Variants in CDH4 observed in about 807,000 individuals in gnomAD.
CDH4 encodes the protein cadherin 4, also known as cadherin-4.
A neutral mutation model predicts 86.0 loss-of-function variants in CDH4; 33 were observed. The observed-to-expected ratio is 0.38, with a 90% CI of 0.29 to 0.51. The LOEUF is 0.51. Ranked by LOEUF, CDH4 falls within the 20% of genes least tolerant of loss-of-function variation. The probability of loss-of-function intolerance (pLI) is 0.86; values close to 1 mark genes in which losing one functional copy is unlikely to be tolerated. For missense variants in CDH4, 1,114 were observed against 1,307.4 expected (o/e 0.85, Z 2.28); for synonymous variants, 555 against 549.4 (o/e 1.01, Z -0.14).
chr20:61,396,711 C>T (rs2085019409), intron 2 of CDH4, among the ~76,000 whole-genome samples: 1 of 152,166 alleles, frequency 6.6e-6, no homozygotes, highest in African/African-American at 2.4e-5. Context: ...TTCTGGGGCC[C>T]TGCGGAGGCC....
intron 2 of CDH4, among the ~76,000 whole-genome samples, chr20:61,291,317 C>T (rs532188620): frequency 3.7e-4 from 57 of 152,306 alleles, no homozygotes; most frequent in African/African-American, 1.1e-3. Flanking sequence ...ATCACCCCGG[C>T]GGGTCCCATA....
Position 61,517,543 on chromosome 20 carries a change from T to G in CDH4, c.170-226020T>G, listed in dbSNP as rs1167615304. ...TTTTAAGAGTCAGACTTGTTTATAG[T>G]CCCCCCAGTGGAGGATGAATTCAAG... On this transcript the variant is annotated intron_variant, in intron 2 of 15. Coordinates refer to ENST00000614565, the MANE Select transcript of CDH4 (RefSeq NM_001794.5). This position sits in a 1 kb window ranked among gnomAD's most constrained non-coding sequence, Gnocchi z 6.6. 6.6e-6 allele frequency among the ~76,000 whole-genome samples: 1 copy of G among 152,012 alleles called. No homozygotes were observed.
chr20:61,539,460 C>T (rs1216378469), intron 2 of CDH4, among the ~76,000 whole-genome samples: 1 of 152,214 alleles, frequency 6.6e-6, no homozygotes, highest in Non-Finnish European at 1.5e-5. Context: ...CCTGTGTCCT[C>T]ACGGAGTCGT....
intron 3 of CDH4, among the ~76,000 whole-genome samples, chr20:61,757,502 G>T (rs1214658571): frequency 1.3e-5 from 2 of 152,224 alleles, no homozygotes; most frequent in Non-Finnish European, 1.5e-5. Flanking sequence ...AGGGCCCCAG[G>T]GGCAGTCAGC....
Position 61,910,415 on chromosome 20 carries a change from T to C in CDH4, c.1189-7T>C, listed in dbSNP as rs1452783659. ...GGTTTGTGACATTCTTTCCTTCCAT[T>C]TTGCAGTTTGCAGGGGAGGTCCCCG... On this transcript the variant is annotated splice_polypyrimidine_tract_variant and splice_region_variant and intron_variant, in intron 8 of 15. Transcript: ENST00000614565. 6.2e-7 allele frequency: 1 copy of C among 1,610,788 alleles called. No homozygotes were observed. Among genetic ancestry groups the C allele is most frequent in the African/African-American group, 1.3e-5 (1 of 75,020 alleles).
chr20:61,669,106 C>T (rs746722948), intron 2 of CDH4, among the ~76,000 whole-genome samples: 19 of 152,316 alleles, frequency 1.2e-4, no homozygotes, highest in Non-Finnish European at 2.5e-4. Flanking sequence ...CTGGAACCCA[C>T]GTTCTCCAGC....
chr20:61,499,390 T>C (rs1480320603), intron 2 of CDH4: 4 of 1,197,436 alleles, frequency 3.3e-6, no homozygotes, highest in Non-Finnish European at 4.4e-6. Context: ...TTAAAGGTTA[T>C]GCGGGACTGG....
intron 4 of CDH4, among the ~76,000 whole-genome samples, chr20:61,799,721 C>T (rs1285310138): frequency 3.9e-5 from 6 of 152,216 alleles, no homozygotes; most frequent in Admixed American, 3.3e-4. Context: ...CTGGGTCCTT[C>T]AAGCCCCTCC....
At chr20:61,491,256 G>A (rs568342206) in intron 2 of CDH4, among the ~76,000 whole-genome samples, 7 of 152,314 alleles carry the variant, frequency 4.6e-5, no homozygotes, top group African/African-American at 9.6e-5. Flanking sequence ...TTGGGCCAAG[G>A]CAGCTTAGAT....
chr20:61,927,930 G>A (rs572271941), intron 11 of CDH4, among the ~76,000 whole-genome samples: 8 of 152,348 alleles, frequency 5.3e-5, no homozygotes, highest in East Asian at 1.9e-4. Flanking sequence ...GTGCTTTGCC[G>A]TGTCTGTTGA....
rs2085151869 is a variant in CDH4, at chr20:61,417,209, T to C, written c.169+162272T>C. 6.6e-6 allele frequency among the ~76,000 whole-genome samples: 1 copy of C among 152,046 alleles called. No individual in the cohort carries two copies. The highest frequency in any genetic ancestry group is 1.5e-5 in the Non-Finnish European group (1 of 67,996). On this transcript the variant is annotated intron_variant, in intron 2 of 15. Transcript: ENST00000614565. The surrounding 1 kb of genome is among the most constrained non-coding windows in gnomAD (Gnocchi z 4.0). Reference sequence around the variant, plus strand: ...CATGCAGTCCTGGTCTCCAAGAGACTCACTCTTTCTCTCTTGGTCGTGCTC... The same window carrying C: ...CATGCAGTCCTGGTCTCCAAGAGACCCACTCTTTCTCTCTTGGTCGTGCTC...
In CDH4 at chr20:61,718,506, C is replaced by T. The variant is rs376325394; in HGVS notation, c.170-25057C>T. ...GTTAGAGGCAGTGCCAGGACAGTGC[C>T]GTCCCATATCCCAGGCCGTGCTTCC... On this transcript the variant is annotated intron_variant, in intron 2 of 15. Transcript: ENST00000614565. The T allele has an allele frequency of 4.7e-5, 15 of 319,294 alleles. 1 individual carries two copies. The highest frequency in any genetic ancestry group is 1.7e-4 in the African/African-American group (8 of 46,434). 19.8% of individuals were successfully genotyped at this position (319,294 alleles called of 1,614,324 possible).
At chr20:61,548,648 C>T (rs2086106017) in intron 2 of CDH4, among the ~76,000 whole-genome samples, 1 of 152,054 alleles carries the variant, frequency 6.6e-6, no homozygotes, top group African/African-American at 2.4e-5. Flanking sequence ...ACTAAATTGC[C>T]TCTAAAAGCA....
At chr20:61,571,588 C>G (rs1011538377) in intron 2 of CDH4, among the ~76,000 whole-genome samples, 8 of 152,182 alleles carry the variant, frequency 5.3e-5, no homozygotes, top group Admixed American at 1.3e-4. Flanking sequence ...CAACAGGGTC[C>G]TCACCGCCCC....
intron 2 of CDH4, among the ~76,000 whole-genome samples, chr20:61,323,661 G>T (rs2084521105): frequency 6.6e-6 from 1 of 152,148 alleles, no homozygotes; most frequent in Non-Finnish European, 1.5e-5. Context: ...CACCAGTTCG[G>T]CAATCAGAGC....
At chr20:61,839,494 A>G (rs1325635466) in intron 4 of CDH4, among the ~76,000 whole-genome samples, 3 of 145,362 alleles carry the variant, frequency 2.1e-5, no homozygotes, top group Admixed American at 6.8e-5. Flanking sequence ...GTTTGTGTAT[A>G]TGTGTGTATT....
chr20:61,903,741 A>G (rs73145179), intron 8 of CDH4, among the ~76,000 whole-genome samples: 6,248 of 152,212 alleles, frequency 0.041, 200 homozygotes, highest in Non-Finnish European at 0.064. Flanking sequence ...GTGCAGCCTC[A>G]GCGACCCTTC....
chr20:61,686,459 G>A (rs992058878), intron 2 of CDH4, among the ~76,000 whole-genome samples: 3 of 151,818 alleles, frequency 2.0e-5, no homozygotes, highest in Non-Finnish European at 4.4e-5. Flanking sequence ...ATTCGTGTGT[G>A]TGCATTTGCG....
chr20:61,732,508 G>A (rs2088204093), intron 2 of CDH4, among the ~76,000 whole-genome samples: 1 of 152,140 alleles, frequency 6.6e-6, no homozygotes, highest in Non-Finnish European at 1.5e-5. Flanking sequence ...GCATGCCTCA[G>A]GACCCAGGGC....
Sources: gnomAD v4.1 joint callset for allele counts (sites outside exome capture counted in the v4.1 genomes callset) on GRCh38, gnomAD v4.1.1 for gene constraint, Gnocchi (gnomAD v3.1) non-coding constraint, MANE v1.5 for transcripts, NCBI Gene and HGNC (gene_info 2026-07-23, HGNC 2026-07-21) for gene names.